The following GSG1L variants were observed in gnomAD, a reference collection of about 807,000 sequenced individuals.
GSG1L encodes GSG1 like.
GSG1L carries 24 observed loss-of-function variants against 42.1 expected under a neutral mutation model. That is an observed-to-expected ratio of 0.57 (90% CI 0.41 to 0.80). The LOEUF (loss-of-function observed/expected upper bound fraction) is 0.80, where lower values mean the gene tolerates loss of function less well. Ranked by LOEUF, GSG1L falls within the 30% of genes least tolerant of loss-of-function variation. The pLI, the probability that GSG1L is intolerant of heterozygous loss-of-function variation, is 0.00. For synonymous variants in GSG1L, 215 were observed against 203.5 expected (o/e 1.06, Z -0.48); for missense variants, 445 against 472.2 (o/e 0.94, Z 0.53).
intron 1 of GSG1L, among the ~76,000 whole-genome samples, chr16:27,977,382 AC>A (rs1567541913): frequency 6.6e-6 from 1 of 151,940 alleles, no homozygotes; most frequent in East Asian, 1.9e-4. Context: ...GGAGTTTGAG[AC>A]CAACATGGTC....
intron 1 of GSG1L, among the ~76,000 whole-genome samples, chr16:27,990,441 G>A (rs2085442586): frequency 6.6e-6 from 1 of 152,124 alleles, no homozygotes; most frequent in South Asian, 2.1e-4. Context: ...ATTATGCCAA[G>A]GTTTTGACTA....
At chr16:27,829,912 CCT>C (rs1256774768) in intron 4 of GSG1L, among the ~76,000 whole-genome samples, 1 of 152,152 alleles carries the variant, frequency 6.6e-6, no homozygotes, top group Non-Finnish European at 1.5e-5. Flanking sequence ...AAACTCTCCC[CCT>C]GAGAGATGAG....
At chr16:28,030,795 G>GGATGGGATGA (rs2085950999) in intron 1 of GSG1L, among the ~76,000 whole-genome samples, 1 of 124,684 alleles carries the variant, frequency 8.0e-6, no homozygotes, top group East Asian at 2.3e-4. Flanking sequence ...GGATGGGATG[G>GGATGGGATGA]GATGAGATAA....
chr16:27,796,527 C>T (rs2082819575), intron 6 of GSG1L, among the ~76,000 whole-genome samples: 1 of 152,242 alleles, frequency 6.6e-6, no homozygotes, highest in Admixed American at 6.5e-5. Flanking sequence ...CTCACAGTTG[C>T]ATCCCTGCAT....
At position 27,789,562 on chromosome 16, in the gene GSG1L, A is replaced by G. The variant is rs2082728462; in HGVS notation, c.*1808T>C. ...ATAATGGATAAATGAAGAAATGCAT[A>G]ATGGTTGAATGGATAAGGGATGAAT... On this transcript the variant is annotated 3_prime_UTR_variant, in exon 7 of 7. Transcript: ENST00000447459. The G allele has an allele frequency of 6.6e-6, 1 of 151,246 alleles. No individual in the cohort carries two copies. Among genetic ancestry groups the G allele is most frequent in the Non-Finnish European group, 1.5e-5 (1 of 67,826 alleles). The allele number at this position is 151,246 out of a possible 1,614,324, so 9.4% of individuals were successfully genotyped here.
Position 28,004,807 on chromosome 16 carries a change from A to G in GSG1L, c.350-41604T>C, listed in dbSNP as rs1051673892. On this transcript the variant is annotated intron_variant, in intron 1 of 6. Transcript: ENST00000447459. ...TAAATAAACAAATAAAAGATAGAGA[A>G]AAAAAAATCAGAACAGAGTAAATCA... Among the ~76,000 whole-genome samples, 4 of 152,034 alleles carry G rather than the reference A, an allele frequency of 2.6e-5. No individual in the cohort carries two copies. In the South Asian group the frequency reaches 8.3e-4, roughly 32 times the overall value.
chr16:27,966,149 T>C (rs1386418244), intron 1 of GSG1L, among the ~76,000 whole-genome samples: 1 of 152,222 alleles, frequency 6.6e-6, no homozygotes, highest in Non-Finnish European at 1.5e-5. Flanking sequence ...TTGTCATTTT[T>C]CTCAAATGTT....
chr16:27,830,012 G>A (rs927146393), intron 4 of GSG1L, among the ~76,000 whole-genome samples: 1 of 152,128 alleles, frequency 6.6e-6, no homozygotes. Flanking sequence ...TGTACATGCT[G>A]AGCCCAGCCC....
intron 1 of GSG1L, among the ~76,000 whole-genome samples, chr16:27,992,637 C>A (rs534443540): frequency 2.0e-5 from 3 of 152,272 alleles, no homozygotes; most frequent in African/African-American, 7.2e-5. Context: ...CATTCTTGGG[C>A]CTCTCGGCTC....
At chr16:27,819,391 C>T (rs1304883643) in intron 5 of GSG1L, among the ~76,000 whole-genome samples, 1 of 152,192 alleles carries the variant, frequency 6.6e-6, no homozygotes, top group African/African-American at 2.4e-5. Context: ...AAAACCCCAT[C>T]CCCATCTTTG....
intron 2 of GSG1L, among the ~76,000 whole-genome samples, chr16:27,948,155 G>T (rs2084906127): frequency 6.6e-6 from 1 of 152,154 alleles, no homozygotes; most frequent in African/African-American, 2.4e-5. Flanking sequence ...AAATGGCAAA[G>T]GCTAGGACTC....
At position 27,840,849 on chromosome 16, in the gene GSG1L, G is replaced by A. The variant is rs150659539; in HGVS notation, c.662+4101C>T. 2.2e-3 allele frequency among the ~76,000 whole-genome samples: 331 copies of A among 152,082 alleles called. 1 individual carries two copies. The highest frequency in any genetic ancestry group is 7.3e-3 in the African/African-American group (305 of 41,500). On this transcript the variant is annotated intron_variant, in intron 4 of 6. Coordinates refer to ENST00000447459, the MANE Select transcript of GSG1L (RefSeq NM_001109763.2). ...GAAGCCCCTCCGGCCGCCAGCCACC[G>A]CCAGCCGGCACCAGCTGCCAGTGTC... is the stretch of plus-strand genomic sequence containing the variant.
intron 3 of GSG1L, among the ~76,000 whole-genome samples, chr16:27,861,125 T>C (rs2083644746): frequency 6.6e-6 from 1 of 152,120 alleles, no homozygotes; most frequent in Non-Finnish European, 1.5e-5. Context: ...CCCAGCACTC[T>C]GGGAGGCCAA....
intron 2 of GSG1L, 74 bp downstream of exon 2, chr16:27,963,082 G>A: frequency 7.8e-7 from 1 of 1,289,612 alleles, no homozygotes; most frequent in Admixed American, 1.7e-5. Context: ...ACAGGGCTTT[G>A]GGGAGCCACC....
intron 2 of GSG1L, among the ~76,000 whole-genome samples, chr16:27,898,181 C>T (rs1383562090): frequency 2.0e-5 from 3 of 152,192 alleles, no homozygotes; most frequent in African/African-American, 7.2e-5. Flanking sequence ...TGACCTTGGC[C>T]TTCAGAATCA....
At chr16:28,062,062 T>C (rs1301996320) in intron 1 of GSG1L, among the ~76,000 whole-genome samples, 2 of 152,196 alleles carry the variant, frequency 1.3e-5, no homozygotes, top group Non-Finnish European at 2.9e-5. Context: ...ACTGAGGAGC[T>C]AGGCATGCAG....
At chr16:28,041,637 C>A (rs995013771) in intron 1 of GSG1L, among the ~76,000 whole-genome samples, 1 of 152,140 alleles carries the variant, frequency 6.6e-6, no homozygotes. Flanking sequence ...CCACACTCTT[C>A]CCTCTTATTT....
chr16:27,900,226 C>T (rs907319796), intron 2 of GSG1L, among the ~76,000 whole-genome samples: 7 of 152,230 alleles, frequency 4.6e-5, no homozygotes, highest in Non-Finnish European at 7.3e-5. Context: ...CAGTGACAAC[C>T]ACGCTCTACA....
rs118187263 is a variant in GSG1L at position 27,864,069 on chromosome 16, T to A, written c.551-19008A>T. On this transcript the variant is annotated intron_variant, in intron 3 of 6. Coordinates refer to ENST00000447459, the MANE Select transcript of GSG1L (RefSeq NM_001109763.2). ...CATTCTCTGGCAGATTCCCTCCATA[T>A]GTTGAATCCATCAGCTCCCAGCTTA... 3.1e-3 allele frequency among the ~76,000 whole-genome samples: 475 copies of A among 152,322 alleles called. 9 individuals carry two copies. Among genetic ancestry groups the A allele is most frequent in the East Asian group, 0.022 (112 of 5,190 alleles).
Sources: allele counts gnomAD v4.1 joint callset (sites outside exome capture counted in the v4.1 genomes callset), GRCh38; gene constraint gnomAD v4.1.1; transcripts MANE v1.5; gene names NCBI Gene and HGNC (gene_info 2026-07-23, HGNC 2026-07-21).